Variants in ACACA observed in about 807,000 individuals in gnomAD.
The protein encoded by ACACA is acetyl-CoA carboxylase alpha, also known as acetyl-CoA carboxylase 1.
A neutral mutation model predicts 296.1 loss-of-function variants in ACACA; 103 were observed. The observed-to-expected ratio is 0.35, with a 90% CI of 0.30 to 0.41. The LOEUF (loss-of-function observed/expected upper bound fraction) is 0.41, where lower values mean the gene tolerates loss of function less well. Ranked by LOEUF, ACACA falls within the 10% of genes least tolerant of loss-of-function variation. The probability of loss-of-function intolerance (pLI) is 1.00; values close to 1 mark genes in which losing one functional copy is unlikely to be tolerated. For synonymous variants in ACACA, 953 were observed against 1,038.6 expected (o/e 0.92, Z 1.58); for missense variants, 1,554 against 2,989.7 (o/e 0.52, Z 11.20).
chr17:37,228,099 C>A (rs1016897831), intron 25 of ACACA, among the ~76,000 whole-genome samples: 1 of 151,336 alleles, frequency 6.6e-6, no homozygotes, highest in Non-Finnish European at 1.5e-5. Context: ...TAAATAAATG[C>A]AGTATAAATA....
At chr17:37,203,276 A>C (rs2078354078) in intron 33 of ACACA, among the ~76,000 whole-genome samples, 1 of 151,920 alleles carries the variant, frequency 6.6e-6, no homozygotes, top group South Asian at 2.1e-4. Flanking sequence ...GTCTTTGTAG[A>C]TCAACATGCG....
At chr17:37,199,263 G>GA (rs1000308570) in intron 35 of ACACA, among the ~76,000 whole-genome samples, 7 of 149,582 alleles carry the variant, frequency 4.7e-5, no homozygotes, top group East Asian at 3.9e-4. Flanking sequence ...AGAAAGAAAA[G>GA]AAAAAAAAGA....
In ACACA at chr17:37,135,617, T is replaced by C. The variant is rs141371757; in HGVS notation, c.5680-5399A>G. 7.8e-3 allele frequency among the ~76,000 whole-genome samples: 1,180 copies of C among 152,028 alleles called. 13 individuals are homozygous for C. The highest frequency in any genetic ancestry group is 0.017 in the Middle Eastern group (5 of 294). On this transcript the variant is annotated intron_variant, in intron 45 of 55. Transcript: ENST00000616317. Reference sequence around the variant, plus strand: ...AAAGAGGCTGAATATAGGCCAGAAATAACACTGGAAGACATCTCTTTACTG... The same window carrying C: ...AAAGAGGCTGAATATAGGCCAGAAACAACACTGGAAGACATCTCTTTACTG...
intron 30 of ACACA, among the ~76,000 whole-genome samples, chr17:37,208,173 G>T (rs1221449460): frequency 1.3e-5 from 2 of 152,074 alleles, no homozygotes; most frequent in Admixed American, 1.3e-4. Context: ...CCTTTAAAAG[G>T]AAGTAAGCAA....
At chr17:37,225,812 G>T (rs952223063) in intron 26 of ACACA, among the ~76,000 whole-genome samples, 1 of 152,222 alleles carries the variant, frequency 6.6e-6, no homozygotes, top group Non-Finnish European at 1.5e-5. Flanking sequence ...CACAAAGGGA[G>T]TGCCAACTCT....
At chr17:37,166,306 T>G (rs2076665429) in intron 41 of ACACA, among the ~76,000 whole-genome samples, 1 of 151,702 alleles carries the variant, frequency 6.6e-6, no homozygotes, top group Non-Finnish European at 1.5e-5. Flanking sequence ...CCCAGCTAAT[T>G]TTTTTTATTT....
chr17:37,354,821 C>T (rs2049060115), intron 1 of ACACA, among the ~76,000 whole-genome samples: 1 of 152,148 alleles, frequency 6.6e-6, no homozygotes, highest in South Asian at 2.1e-4. Context: ...GTCCCAGCTA[C>T]TCCAGAAGGT....
intron 29 of ACACA, 194 bp downstream of exon 29, chr17:37,221,530 T>G: frequency 3.1e-6 from 2 of 649,624 alleles, no homozygotes; most frequent in South Asian, 1.8e-5. Context: ...AACTTTCATC[T>G]TACTTAGACC....
chr17:37,392,764 A>G (rs1597794056), intron 1 of ACACA: 1 of 152,202 alleles, frequency 6.6e-6, no homozygotes, highest in Non-Finnish European at 1.5e-5. Flanking sequence ...ATCTCACCCT[A>G]AGGCTCGATT....
chr17:37,232,493 G>C (rs952062557), intron 25 of ACACA, among the ~76,000 whole-genome samples: 1 of 152,144 alleles, frequency 6.6e-6, no homozygotes, highest in Non-Finnish European at 1.5e-5. Context: ...TGTGGGAGAG[G>C]AGGAGGGAGA....
intron 45 of ACACA, among the ~76,000 whole-genome samples, chr17:37,134,829 GTAAT>G (rs1035222390): frequency 6.6e-6 from 1 of 152,180 alleles, no homozygotes; most frequent in African/African-American, 2.4e-5. Flanking sequence ...AATTTACTGA[GTAAT>G]TGTCATCACT....
At chr17:37,155,163 G>A (rs994391755) in intron 43 of ACACA, among the ~76,000 whole-genome samples, 1 of 151,902 alleles carries the variant, frequency 6.6e-6, no homozygotes, top group Admixed American at 6.6e-5. Context: ...TTCAGCCAAG[G>A]GATGTGAAAA....
intron 1 of ACACA, among the ~76,000 whole-genome samples, chr17:37,381,907 G>C (rs74862077): frequency 1.3e-5 from 2 of 151,960 alleles, no homozygotes; most frequent in African/African-American, 4.8e-5. Flanking sequence ...GATTACAGGC[G>C]TGAGCCACTG....
chr17:37,139,199 C>T (rs563470930), intron 45 of ACACA, among the ~76,000 whole-genome samples: 64 of 152,206 alleles, frequency 4.2e-4, no homozygotes, highest in African/African-American at 1.3e-3. Context: ...ATGAAGAAGA[C>T]GAAGAAACCA....
chr17:37,184,560 T>C (rs569542909), intron 39 of ACACA, among the ~76,000 whole-genome samples: 33 of 152,166 alleles, frequency 2.2e-4, no homozygotes, highest in African/African-American at 7.7e-4. Context: ...GATAAATCCA[T>C]TAAATGGGGC....
chr17:37,207,548 T>A (rs1487757451), intron 31 of ACACA, 109 bp downstream of exon 31: 55 of 1,335,656 alleles, frequency 4.1e-5, no homozygotes, highest in Admixed American at 5.6e-5. Context: ...TCTTTTTAGC[T>A]GGCTCATGGC....
chr17:37,267,185 G>A (rs1016955164), intron 10 of ACACA, among the ~76,000 whole-genome samples: 2 of 152,010 alleles, frequency 1.3e-5, no homozygotes, highest in African/African-American at 2.4e-5. Context: ...GTGTGGATCA[G>A]CATTTTGAAC....
intron 2 of ACACA, among the ~76,000 whole-genome samples, chr17:37,333,988 C>CA (rs1039101407): frequency 2.0e-5 from 3 of 151,874 alleles, no homozygotes; most frequent in Non-Finnish European, 4.4e-5. Context: ...TACAGAGTGA[C>CA]AATGGCCCTG....
chr17:37,099,708 G>A lies in ACACA; in HGVS notation c.6566-1724C>T, dbSNP rs533074055. On this transcript the variant is annotated intron_variant, in intron 52 of 55. Transcript: ENST00000616317. ...AGGGCTGATGGGAGGAGGGCTGAGG[G>A]ATGGAGGGCTGGCTGGTGTCTTCGG... is the stretch of plus-strand genomic sequence containing the variant. Among the ~76,000 whole-genome samples the A allele has an allele frequency of 5.3e-4, 80 of 152,182 alleles. No homozygotes were observed. The Middle Eastern group carries it at 0.01, about 19-fold the overall frequency.
Sources: allele counts gnomAD v4.1 joint callset (sites outside exome capture counted in the v4.1 genomes callset), GRCh38; gene constraint gnomAD v4.1.1; transcripts MANE v1.5; gene names NCBI Gene and HGNC (gene_info 2026-07-23, HGNC 2026-07-21).